The following HYOU1 variants were observed in gnomAD, a reference collection of about 807,000 sequenced individuals.
HYOU1 encodes the protein hypoxia up-regulated 1.
In HYOU1, 40 loss-of-function variants were observed where a neutral mutation model predicts 120.5. That is an observed-to-expected ratio of 0.33 (90% CI 0.26 to 0.43). The LOEUF is 0.43. Ranked by LOEUF, HYOU1 falls within the 20% of genes least tolerant of loss-of-function variation. HYOU1 has a pLI of 1.00. For synonymous variants in HYOU1, 501 were observed against 479.4 expected (o/e 1.05, Z -0.59); for missense variants, 1,085 against 1,278.3 (o/e 0.85, Z 2.31).
Position 119,052,112 on chromosome 11 carries a change from C to T in HYOU1, c.1183G>A (p.Val395Met). The T allele has an allele frequency of 6.2e-7, 1 of 1,614,228 alleles. No individual in the cohort carries two copies. The highest frequency in any genetic ancestry group is 1.3e-5 in the African/African-American group (1 of 75,066). ...GATRVPRVQE[V>M]LLKAVGKEEL... ...CACTTGCCCACGGCCTTCAGCAGCACCTCCTGAACTCTGGGGACCCGAGTG... is the reference window on the plus strand; with the variant it reads ...CACTTGCCCACGGCCTTCAGCAGCATCTCCTGAACTCTGGGGACCCGAGTG... Residue 395 changes from valine to methionine, a missense_variant, in exon 11 of 26, where the codon GTG becomes ATG. Physicochemically the swap from Val to Met is conservative, Grantham distance 21 (BLOSUM62 1). This residue lies in a region of HYOU1 where 515 missense variants were observed against 677.8 expected (regional missense o/e 0.76). Transcript: ENST00000617285. The surrounding 1 kb of genome is among the most constrained non-coding windows in gnomAD (Gnocchi z 5.0).
chr11:119,048,969 G>C lies in HYOU1; in HGVS notation c.1992+49C>G. 2 of 1,611,224 alleles carry C rather than the reference G, an allele frequency of 1.2e-6. No homozygotes were observed. Among genetic ancestry groups the C allele is most frequent in the Non-Finnish European group, 1.7e-6 (2 of 1,178,050 alleles). On this transcript the variant is annotated intron_variant, in intron 17 of 25. Coordinates refer to ENST00000617285, the MANE Select transcript of HYOU1 (RefSeq NM_006389.5). The surrounding 1 kb of genome is among the most constrained non-coding windows in gnomAD (Gnocchi z 4.7). Reference sequence around the variant, plus strand: ...AAGGCCAGAAACAAGGCAGGCGCCTGCTCCCTTAGCCTCTGGATCCACACT... The same window carrying C: ...AAGGCCAGAAACAAGGCAGGCGCCTCCTCCCTTAGCCTCTGGATCCACACT...
intron 24 of HYOU1, 33 bp downstream of exon 24, chr11:119,046,384 T>A: frequency 6.2e-7 from 1 of 1,602,214 alleles, no homozygotes; most frequent in Non-Finnish European, 8.5e-7. Flanking sequence ...TAATGCAACA[T>A]CCACGTGCTC....
chr11:119,046,283 TTTTA>T, intron 24 of HYOU1, 130 bp downstream of exon 24: 3 of 756,622 alleles, frequency 4.0e-6, no homozygotes, highest in South Asian at 1.9e-5. Flanking sequence ...TTTTTTTTTT[TTTTA>T]AACAACCCTT....
At chr11:119,053,883 A>G (rs868543930) in intron 8 of HYOU1, 2 of 440,464 alleles carry the variant, frequency 4.5e-6, no homozygotes, top group African/African-American at 4.0e-5. Flanking sequence ...CTGCGGCTCC[A>G]TGGATTTCCT....
rs907274075 is a variant in HYOU1 at position 119,055,735 on chromosome 11, G to A, written c.185+15C>T. The A allele has an allele frequency of 9.3e-6, 15 of 1,607,104 alleles. No individual in the cohort carries two copies. In the Admixed American group the frequency reaches 1.7e-4, roughly 18 times the overall value. On this transcript the variant is annotated intron_variant, in intron 3 of 25. Coordinates refer to ENST00000617285, the MANE Select transcript of HYOU1 (RefSeq NM_006389.5). This position sits in a 1 kb window ranked among gnomAD's most constrained non-coding sequence, Gnocchi z 4.0. Reference sequence around the variant, plus strand: ...CTCCCTCGTTCCCCACCCTTAACACGGGGGCCACCCTCACTTATTCAAGAC... The same window carrying A: ...CTCCCTCGTTCCCCACCCTTAACACAGGGGCCACCCTCACTTATTCAAGAC...
intron 16 of HYOU1, 161 bp downstream of exon 16, chr11:119,049,395 G>C: frequency 6.4e-7 from 1 of 1,568,104 alleles, no homozygotes; most frequent in Non-Finnish European, 8.6e-7. Context: ...ATGGGCCTTG[G>C]GAGCACCAGT....
chr11:119,048,321 C>T lies in HYOU1; in HGVS notation c.2303G>A (p.Arg768His), dbSNP rs144328288. 5.3e-5 allele frequency: 86 copies of T among 1,610,700 alleles called. No homozygotes were observed. In the East Asian group the frequency reaches 8.9e-4, roughly 17 times the overall value. The change falls in exon 20 of 26, where the codon CGT becomes CAT. Residue 768 changes from arginine to histidine, a missense_variant. By Grantham distance (29) the Arg-to-His change is conservative. Transcript: ENST00000617285. This position sits in a 1 kb window ranked among gnomAD's most constrained non-coding sequence, Gnocchi z 4.7. ...EYQEVSTEEQ[R>H]EEISGKLSAA... ...GCTGAGCTTCCCAGAGATCTCCTCA[C>T]GCTGCTCCTCTGTGGACACTTCCTG...
rs782662603 is a variant in HYOU1 at position 119,045,510 on chromosome 11, C to T, written c.*83G>A. The T allele has an allele frequency of 1.6e-6, 2 of 1,250,282 alleles. No individual in the cohort carries two copies. The highest frequency in any genetic ancestry group is 2.9e-5 in the African/African-American group (2 of 67,954). 77.4% of individuals were successfully genotyped at this position (1,250,282 alleles called of 1,614,324 possible). ...GAACTCCAGCCGAGGGCAGGACCAACCCCTCCCCCAACCCTCGATGTTAAA... is the reference window on the plus strand; with the variant it reads ...GAACTCCAGCCGAGGGCAGGACCAATCCCTCCCCCAACCCTCGATGTTAAA... On this transcript the variant is annotated 3_prime_UTR_variant, in exon 26 of 26. Coordinates refer to ENST00000617285, the MANE Select transcript of HYOU1 (RefSeq NM_006389.5).
In HYOU1 at chr11:119,054,572, C is replaced by T. The variant is rs2133605924; in HGVS notation, c.600G>A (p.Leu200=). ...QAARMAGLKV[L]QLINDNTATA... Reference sequence around the variant, plus strand: ...TGGCGGTGTTGTCATTGATGAGCTGCAGCACTTTGAGGCCAGCCATACGAG... The same window carrying T: ...TGGCGGTGTTGTCATTGATGAGCTGTAGCACTTTGAGGCCAGCCATACGAG... Residue 200 remains leucine (L), a synonymous_variant, in exon 7 of 26, where the codon CTG becomes CTA. Coordinates refer to ENST00000617285, the MANE Select transcript of HYOU1 (RefSeq NM_006389.5). 1 of 1,614,156 alleles carries T rather than the reference C, an allele frequency of 6.2e-7. No individual in the cohort carries two copies. Among genetic ancestry groups the T allele is most frequent in the Admixed American group, 1.7e-5 (1 of 60,016 alleles).
At chr11:119,050,977 A>G in intron 14 of HYOU1, 58 bp downstream of exon 14, 1 of 1,594,576 alleles carries the variant, frequency 6.3e-7, no homozygotes, top group Non-Finnish European at 8.6e-7. Flanking sequence ...CCCACTTTGG[A>G]AATGGCTGGC....
Position 119,054,995 on chromosome 11 carries a change from T to C in HYOU1, c.485A>G (p.Glu162Gly), listed in dbSNP as rs2133609211. ...CCTTGACCACTCACCTGCAAAATCT[T>C]CAGCTAGAGAACGAGAATAATTGAG... ...MVLNYSRSLA[E>G]DFAEQPIKDA... Residue 162 changes from glutamate (E) to glycine (G), a missense_variant, in exon 6 of 26, where the codon GAA becomes GGA. This residue lies in a region of HYOU1 where 515 missense variants were observed against 677.8 expected (regional missense o/e 0.76). Coordinates refer to ENST00000617285, the MANE Select transcript of HYOU1 (RefSeq NM_006389.5). 55 of 1,613,832 alleles carry C rather than the reference T, an allele frequency of 3.4e-5. No individual in the cohort carries two copies. The highest frequency in any genetic ancestry group is 3.2e-5 in the Non-Finnish European group (38 of 1,180,032).
rs2133612779 is a variant in HYOU1 at position 119,055,352 on chromosome 11, G to A, written c.265-13C>T. The A allele has an allele frequency of 9.9e-6, 16 of 1,612,070 alleles. No individual in the cohort carries two copies. Among genetic ancestry groups the A allele is most frequent in the Non-Finnish European group, 1.4e-5 (16 of 1,178,730 alleles). On this transcript the variant is annotated splice_polypyrimidine_tract_variant and intron_variant, in intron 4 of 25. Transcript: ENST00000617285. The surrounding 1 kb of genome is among the most constrained non-coding windows in gnomAD (Gnocchi z 4.0). ...GATTCTTAATCGCCTGAGGGGTGAA[G>A]AAGGAGCAGACTAGTATTAGGCTCC...
In HYOU1 at chr11:119,051,212, C is replaced by A; in HGVS notation, c.1527-39G>T. The A allele has an allele frequency of 1.2e-6, 2 of 1,612,530 alleles. No homozygotes were observed. The highest frequency in any genetic ancestry group is 2.2e-5 in the South Asian group (2 of 90,918). ...AAAGAGGAGTTCAGGGGGACCCACC[C>A]CAGCCCATCTCGCCCTCTAGACTAC... On this transcript the variant is annotated intron_variant, in intron 13 of 25. Coordinates refer to ENST00000617285, the MANE Select transcript of HYOU1 (RefSeq NM_006389.5). The surrounding 1 kb of genome is among the most constrained non-coding windows in gnomAD (Gnocchi z 4.2).
In HYOU1 at chr11:119,055,932, TA is replaced by T; in HGVS notation, c.92-90del. The T allele has an allele frequency of 5.0e-6, 7 of 1,395,854 alleles. No homozygotes were observed. In the South Asian group the frequency reaches 6.9e-5, roughly 14 times the overall value. 86.5% of individuals were successfully genotyped at this position (1,395,854 alleles called of 1,614,324 possible). A position where few individuals can be genotyped will look rare whatever the true frequency, so the allele number is the denominator to read the frequency against. On this transcript the variant is annotated intron_variant, in intron 2 of 25. Transcript: ENST00000617285. This position sits in a 1 kb window ranked among gnomAD's most constrained non-coding sequence, Gnocchi z 4.0. The stretch of plus-strand genomic sequence containing the variant: ...ATCAAAGCATACCACTTTCCATGGG[TA>T]AACGAAGATGGCAAAAGACAAAAAG...
rs1944256369 is a variant in HYOU1, at chr11:119,049,072, G to A, written c.1938C>T (p.Thr646=). The A allele has an allele frequency of 6.2e-7, 1 of 1,614,134 alleles. No homozygotes were observed. The highest frequency in any genetic ancestry group is 8.5e-7 in the Non-Finnish European group (1 of 1,180,020). The part of the protein sequence containing the change: ...PPPPEPKGDA[T]PEGEKATEKE... ...TTTCTGTGGCCTTTTCTCCCTCAGG[G>A]GTTGCATCTCCCTTAGGTTCAGGGG... The change falls in exon 17 of 26, where the codon ACC becomes ACT. Residue 646 remains threonine (T), a synonymous_variant. Transcript: ENST00000617285.
rs1944236439 is a variant in HYOU1 at position 119,048,707 on chromosome 11, CACTT to C, written c.2165+3_2165+6del. On this transcript the variant is annotated splice_donor_5th_base_variant and intron_variant, in intron 18 of 25. Transcript: ENST00000617285. This position sits in a 1 kb window ranked among gnomAD's most constrained non-coding sequence, Gnocchi z 4.7. Reference sequence around the variant, plus strand: ...TGTACACACACACACCAGCTGTCCTCACTTACTTCTGCACCGACTGAGCCAGCTT... The same window carrying C: ...TGTACACACACACACCAGCTGTCCTCACTTCTGCACCGACTGAGCCAGCTT... The C allele has an allele frequency of 5.0e-6, 8 of 1,608,434 alleles. No individual in the cohort carries two copies. The highest frequency in any genetic ancestry group is 5.9e-6 in the Non-Finnish European group (7 of 1,176,866).
At chr11:119,046,282 T>G (rs2133548866) in intron 24 of HYOU1, 135 bp downstream of exon 24, 1 of 749,366 alleles carries the variant, frequency 1.3e-6, no homozygotes, top group African/African-American at 1.8e-5. Flanking sequence ...TTTTTTTTTT[T>G]TTTTAAACAA....
At position 119,048,598 on chromosome 11, in the gene HYOU1, G is replaced by C. The variant is rs2133565801; in HGVS notation, c.2166-35C>G. ...AAAGGAGGGGTAGGGATGAGGGAGAGGGCAAGTGAGAACTTGAGACTCTGG... is the reference window on the plus strand; with the variant it reads ...AAAGGAGGGGTAGGGATGAGGGAGACGGCAAGTGAGAACTTGAGACTCTGG... On this transcript the variant is annotated intron_variant, in intron 18 of 25. Coordinates refer to ENST00000617285, the MANE Select transcript of HYOU1 (RefSeq NM_006389.5). The surrounding 1 kb of genome is among the most constrained non-coding windows in gnomAD (Gnocchi z 4.7). 6.2e-7 allele frequency: 1 copy of C among 1,611,286 alleles called. No individual in the cohort carries two copies. The highest frequency in any genetic ancestry group is 1.1e-5 in the South Asian group (1 of 91,010).
chr11:119,045,712 C>T, intron 25 of HYOU1, 58 bp from the exon 26 acceptor site: 1 of 1,613,216 alleles, frequency 6.2e-7, no homozygotes, highest in Non-Finnish European at 8.5e-7. Context: ...GGAACCAACC[C>T]CAGTTCTTTG....
Sources: gnomAD v4.1 joint callset for allele counts on GRCh38, gnomAD v4.1.1 for gene constraint, gnomAD v4.1.1 regional missense constraint, Gnocchi (gnomAD v3.1) non-coding constraint, MANE v1.5 for transcripts, NCBI Gene and HGNC (gene_info 2026-07-23, HGNC 2026-07-21) for gene names.